The following EIF3F variants were observed in gnomAD, a reference collection of about 807,000 sequenced individuals.
EIF3F encodes the protein deubiquitinating enzyme eIF3f.
A neutral mutation model predicts 36.0 loss-of-function variants in EIF3F; 8 were observed. That is an observed-to-expected ratio of 0.22 (90% confidence interval 0.13 to 0.40). The LOEUF is 0.40. Among genes scored for constraint, EIF3F ranks in the 10% least tolerant of loss-of-function variants. EIF3F has a pLI of 1.00. For synonymous variants in EIF3F, 184 were observed against 188.5 expected (o/e 0.98, Z 0.19); for missense variants, 430 against 467.6 (o/e 0.92, Z 0.74).
In EIF3F at chr11:7,996,374, T is replaced by C. The variant is rs1942160139; in HGVS notation, c.*352T>C. On this transcript the variant is annotated 3_prime_UTR_variant, in exon 8 of 8. Coordinates refer to ENST00000651655, the MANE Select transcript of EIF3F (RefSeq NM_003754.3). ...TTTTCTTGAGGATTCATGTGATTTCTACAGGAAATGAAAATAAGAATCCAT... is the reference window on the plus strand; with the variant it reads ...TTTTCTTGAGGATTCATGTGATTTCCACAGGAAATGAAAATAAGAATCCAT... 1 of 187,642 alleles carries C rather than the reference T, an allele frequency of 5.3e-6. No individual in the cohort carries two copies. Among genetic ancestry groups the C allele is most frequent in the African/African-American group, 2.4e-5 (1 of 42,546 alleles). 11.6% of individuals were successfully genotyped at this position (187,642 alleles called of 1,614,324 possible).
At chr11:7,990,904 A>AAATAAATAAAT (rs1942085192) in intron 1 of EIF3F, among the ~76,000 whole-genome samples, 1 of 134,550 alleles carries the variant, frequency 7.4e-6, no homozygotes, top group African/African-American at 2.6e-5. Context: ...AATAAATAAA[A>AAATAAATAAAT]GAAATACAGC....
chr11:8,001,752 G>A lies in EIF3F; in HGVS notation c.*5730G>A, dbSNP rs911058534. On this transcript the variant is annotated 3_prime_UTR_variant, in exon 8 of 8. Coordinates refer to ENST00000651655, the MANE Select transcript of EIF3F (RefSeq NM_003754.3). ...TACTAGATGGGGCACAGGACAGGAC[G>A]AAAGATTTACTTCTTATTGTTTCTT... The A allele has an allele frequency of 1.3e-5, 2 of 152,058 alleles. No individual in the cohort carries two copies. Among genetic ancestry groups the A allele is most frequent in the East Asian group, 1.9e-4 (1 of 5,198 alleles). 9.4% of individuals were successfully genotyped at this position (152,058 alleles called of 1,614,324 possible).
chr11:7,994,799 A>G (rs562359394), intron 5 of EIF3F, 183 bp from the exon 6 acceptor site: 16 of 879,958 alleles, frequency 1.8e-5, no homozygotes, highest in Middle Eastern at 3.5e-4. Context: ...GTTGAGCTCT[A>G]TTAGGAGGAA....
chr11:7,992,310 C>G, intron 3 of EIF3F, 147 bp downstream of exon 3: 1 of 711,880 alleles, frequency 1.4e-6, no homozygotes, highest in Non-Finnish European at 2.3e-6. Flanking sequence ...TGGCTCAATG[C>G]CTGTAATCCC....
At chr11:7,991,681 C>A in intron 1 of EIF3F, 100 bp from the exon 2 acceptor site, 2 of 1,127,426 alleles carry the variant, frequency 1.8e-6, no homozygotes, top group South Asian at 1.3e-5. Context: ...GTTAGGTGTT[C>A]ATTGACATTG....
Position 7,996,077 on chromosome 11 carries a change from G to A in EIF3F, c.*55G>A, listed in dbSNP as rs1942156595. ...TAGGTATTAACCCCAGGACTCAGAA[G>A]TGAAGGAGAAATGGGTTTTTTGTGG... On this transcript the variant is annotated 3_prime_UTR_variant, in exon 8 of 8. Transcript: ENST00000651655. The A allele has an allele frequency of 1.3e-6, 2 of 1,559,616 alleles. No individual in the cohort carries two copies. Among genetic ancestry groups the A allele is most frequent in the Non-Finnish European group, 1.8e-6 (2 of 1,130,734 alleles).
chr11:7,988,673 C>G (rs1407567497), intron 1 of EIF3F, among the ~76,000 whole-genome samples: 1 of 152,196 alleles, frequency 6.6e-6, no homozygotes, highest in Non-Finnish European at 1.5e-5. Context: ...TGAACATCTA[C>G]TAGTTCTTAC....
intron 3 of EIF3F, 33 bp downstream of exon 3, chr11:7,992,196 G>T (rs1429351519): frequency 6.4e-7 from 1 of 1,567,908 alleles, no homozygotes; most frequent in Admixed American, 1.7e-5. Flanking sequence ...GGGGTTAATG[G>T]AAGGTCTCTT....
At chr11:7,993,222 G>T (rs1942118367) in intron 4 of EIF3F, among the ~76,000 whole-genome samples, 198 bp downstream of exon 4, 1 of 152,100 alleles carries the variant, frequency 6.6e-6, no homozygotes, top group Admixed American at 6.5e-5. Context: ...GATCCTAGTT[G>T]TACTCCAGTT....
rs1266203877 is a variant in EIF3F, at chr11:8,001,618, ATG to A, written c.*5598_*5599del. 1 of 152,186 alleles carries A rather than the reference ATG, an allele frequency of 6.6e-6. No homozygotes were observed. The highest frequency in any genetic ancestry group is 1.5e-5 in the Non-Finnish European group (1 of 68,034). The allele number at this position is 152,186 out of a possible 1,614,324, so 9.4% of individuals were successfully genotyped here. A position where few individuals can be genotyped will look rare whatever the true frequency, so the allele number is the denominator to read the frequency against. On this transcript the variant is annotated 3_prime_UTR_variant, in exon 8 of 8. Transcript: ENST00000651655. ...AGTAAGTGAAAAAAGCCAGGAGAGA[ATG>A]TTGTCTATAATATGCTGTTGTTGTG...
rs1942158348 is a variant in EIF3F at position 7,996,239 on chromosome 11, G to A, written c.*217G>A. ...ATGTTTTAGATCACACAGAAACTAG[G>A]AAGTGAATATTGTAGGTAGAGAAGT... On this transcript the variant is annotated 3_prime_UTR_variant, in exon 8 of 8. Transcript: ENST00000651655. 1 of 509,530 alleles carries A rather than the reference G, an allele frequency of 2.0e-6. No individual in the cohort carries two copies. The highest frequency in any genetic ancestry group is 1.9e-5 in the African/African-American group (1 of 52,148). The allele number at this position is 509,530 out of a possible 1,614,324, so 31.6% of individuals were successfully genotyped here. A position where few individuals can be genotyped will look rare whatever the true frequency, so the allele number is the denominator to read the frequency against.
chr11:7,995,540 G>T, intron 7 of EIF3F, 173 bp downstream of exon 7: 6 of 634,260 alleles, frequency 9.5e-6, no homozygotes, highest in African/African-American at 1.8e-5. Flanking sequence ...GTTATGCGTG[G>T]TTGGAGACTT....
intron 1 of EIF3F, 181 bp downstream of exon 1, chr11:7,987,897 C>A: frequency 1.1e-6 from 1 of 887,440 alleles, no homozygotes; most frequent in East Asian, 3.3e-5. Context: ...CAAGCACTTG[C>A]ATCTCTCCTC....
At chr11:7,995,210 G>A in intron 6 of EIF3F, 44 bp from the exon 7 acceptor site, 1 of 1,607,000 alleles carries the variant, frequency 6.2e-7, no homozygotes, top group African/African-American at 1.3e-5. Flanking sequence ...AGGGCTCAGT[G>A]GTTATAATTA....
intron 7 of EIF3F, 109 bp from the exon 8 acceptor site, chr11:7,995,836 A>T: frequency 1.2e-6 from 1 of 854,706 alleles, no homozygotes; most frequent in Non-Finnish European, 2.0e-6. Flanking sequence ...GCTGTCATTT[A>T]TCCACAGCTG....
chr11:7,994,153 G>A (rs952213892), intron 4 of EIF3F, among the ~76,000 whole-genome samples: 3 of 152,050 alleles, frequency 2.0e-5, no homozygotes, highest in Non-Finnish European at 4.4e-5. Flanking sequence ...CTGTCCTCTC[G>A]TCACTGACAC....
intron 4 of EIF3F, 41 bp from the exon 5 acceptor site, chr11:7,994,385 C>T (rs1214293402): frequency 6.3e-7 from 1 of 1,576,364 alleles, no homozygotes; most frequent in East Asian, 2.3e-5. Flanking sequence ...TGGAAACCCT[C>T]TCCCAAGGCC....
rs549421541 is a variant in EIF3F, at chr11:8,000,663, T to A, written c.*4641T>A. ...TACAGTTTTTGTCAATTTAAAGATATCAGAATTCTAGAATATGATAAAGTT... is the reference window on the plus strand; with the variant it reads ...TACAGTTTTTGTCAATTTAAAGATAACAGAATTCTAGAATATGATAAAGTT... On this transcript the variant is annotated 3_prime_UTR_variant, in exon 8 of 8. Transcript: ENST00000651655. The A allele has an allele frequency of 1.3e-5, 2 of 152,112 alleles. No individual in the cohort carries two copies. The highest frequency in any genetic ancestry group is 2.9e-5 in the Non-Finnish European group (2 of 68,014). The allele number at this position is 152,112 out of a possible 1,614,324, so 9.4% of individuals were successfully genotyped here.
At position 7,987,607 on chromosome 11, in the gene EIF3F, C is replaced by G; in HGVS notation, c.255C>G (p.Pro85=). The change falls in exon 1 of 8, where the codon CCC becomes CCG. Residue 85 remains proline, a synonymous_variant. Transcript: ENST00000651655. ...PALPGPALPG[P]FPGGRVVRLH... ...TGCCTGGTCCTGCTCTTCCAGGGCC[C>G]TTCCCCGGCGGCCGCGTGGTCAGGC... is the stretch of plus-strand genomic sequence containing the variant. 6.3e-7 allele frequency: 1 copy of G among 1,587,060 alleles called. No individual in the cohort carries two copies. Among genetic ancestry groups the G allele is most frequent in the Non-Finnish European group, 8.6e-7 (1 of 1,165,084 alleles).
Sources: allele counts gnomAD v4.1 joint callset (sites outside exome capture counted in the v4.1 genomes callset), GRCh38; gene constraint gnomAD v4.1.1; transcripts MANE v1.5; gene names NCBI Gene and HGNC (gene_info 2026-07-23, HGNC 2026-07-21).